CCNY: variants seen among roughly 807,000 people sequenced by gnomAD.
The protein encoded by CCNY is cyclin-Y.
In CCNY, 19 loss-of-function variants were observed where a neutral mutation model predicts 42.8. The observed-to-expected ratio is 0.44, with a 90% CI of 0.31 to 0.65. CCNY has a LOEUF of 0.65. CCNY is among the 30% of genes least tolerant of loss of function. The probability of loss-of-function intolerance (pLI) is 0.07; values close to 1 mark genes in which losing one functional copy is unlikely to be tolerated. For missense variants in CCNY, 370 were observed against 437.3 expected, an observed-to-expected ratio of 0.85 and a Z score of 1.37; for synonymous variants, 165 against 162.7, an observed-to-expected ratio of 1.01 and a Z score of -0.11.
chr10:35,458,774 G>A (rs919995644), intron 1 of CCNY, among the ~76,000 whole-genome samples: 4 of 152,222 alleles, frequency 2.6e-5, no homozygotes, highest in African/African-American at 9.6e-5. Flanking sequence ...CTGCTCCCAC[G>A]CCTGCCCATG....
intron 9 of CCNY, 80 bp downstream of exon 9, chr10:35,566,265 T>C (rs898213768): frequency 2.9e-6 from 4 of 1,376,382 alleles, no homozygotes; most frequent in Non-Finnish European, 4.0e-6. Context: ...TGTGGTCACA[T>C]TGATCATTTC....
chr10:35,322,663 C>T (rs946355331), intron 3 of CCNY, among the ~76,000 whole-genome samples: 2 of 152,124 alleles, frequency 1.3e-5, no homozygotes, highest in Non-Finnish European at 2.9e-5. Flanking sequence ...TTTAGCAACC[C>T]AACTAAATTG....
chr10:35,563,151 G>A (rs1035957399), intron 8 of CCNY, among the ~76,000 whole-genome samples: 1 of 152,020 alleles, frequency 6.6e-6, no homozygotes, highest in African/African-American at 2.4e-5. Context: ...ATGTGCTGCT[G>A]CAGTTTGGAA....
At chr10:35,248,189 G>T (rs981430980) in exon 2 of CCNY, 3 of 152,318 alleles carry the variant, frequency 2.0e-5, no homozygotes, top group Non-Finnish European at 4.4e-5. Flanking sequence ...AGAAGTCATC[G>T]CCCCAGAGCT....
chr10:35,270,190 C>G (rs1285760760), intron 3 of CCNY, among the ~76,000 whole-genome samples: 3 of 152,038 alleles, frequency 2.0e-5, no homozygotes, highest in South Asian at 2.1e-4. Context: ...ATGACTCATT[C>G]AGGGTGAAAA....
In CCNY at chr10:35,395,990, T is replaced by C. The variant is rs547608777; in HGVS notation, c.154+58783T>C. Among the ~76,000 whole-genome samples, 30 of 152,172 alleles carry C rather than the reference T, an allele frequency of 2.0e-4. No homozygotes were observed. The East Asian group carries it at 2.9e-3, about 15-fold the overall frequency. ...CCCCGAGAGAGGCTTTGGGTCTGTC[T>C]CAGTGTGCATGTTACTGTGTTATGC... On this transcript the variant is annotated intron_variant, in intron 1 of 9. Transcript: ENST00000374704.
intron 4 of CCNY, among the ~76,000 whole-genome samples, chr10:35,517,365 T>C (rs531377588): frequency 6.6e-6 from 1 of 152,346 alleles, no homozygotes; most frequent in South Asian, 2.1e-4. Flanking sequence ...CCTGATGTGC[T>C]TGGGCCTGTG....
chr10:35,478,770 A>G (rs1368976921), intron 1 of CCNY, among the ~76,000 whole-genome samples: 5 of 152,230 alleles, frequency 3.3e-5, no homozygotes, highest in Non-Finnish European at 7.3e-5. Flanking sequence ...AATGGCAACA[A>G]AAGCCAAAAT....
In CCNY at chr10:35,562,714, C is replaced by A. The variant is rs543594061; in HGVS notation, c.747-3309C>A. ...TGTCCCATTTTGTTTATCCACTCAT[C>A]CACCCATGGACACTTGGGTTACCTC... On this transcript the variant is annotated intron_variant, in intron 8 of 9. Coordinates refer to ENST00000374704, the MANE Select transcript of CCNY (RefSeq NM_145012.6). Among the ~76,000 whole-genome samples, 8 of 152,246 alleles carry A rather than the reference C, an allele frequency of 5.3e-5. No homozygotes were observed. The East Asian group carries it at 1.5e-3, about 29-fold the overall frequency.
At chr10:35,462,699 G>T (rs1176367586) in intron 1 of CCNY, among the ~76,000 whole-genome samples, 1 of 152,186 alleles carries the variant, frequency 6.6e-6, no homozygotes, top group Non-Finnish European at 1.5e-5. Flanking sequence ...GAGCAGAGGG[G>T]CTGGTGCTGG....
intron 3 of CCNY, among the ~76,000 whole-genome samples, chr10:35,504,171 T>C (rs1016260706): frequency 3.3e-5 from 5 of 152,200 alleles, no homozygotes; most frequent in African/African-American, 7.2e-5. Context: ...TTAAGAGAAA[T>C]GAATACAGTT....
At chr10:35,426,017 A>G (rs1838257317) in intron 1 of CCNY, among the ~76,000 whole-genome samples, 1 of 151,802 alleles carries the variant, frequency 6.6e-6, no homozygotes, top group Non-Finnish European at 1.5e-5. Context: ...GGCCATAGCC[A>G]GCAGCACCAA....
chr10:35,335,563 GA>G (rs200622881), upstream of CCNY, among the ~76,000 whole-genome samples: 16 of 149,294 alleles, frequency 1.1e-4, no homozygotes, highest in South Asian at 4.2e-4. Context: ...TAAATGCTTA[GA>G]AAAAAAAAAT....
At chr10:35,504,008 A>G (rs1326056783) in intron 3 of CCNY, among the ~76,000 whole-genome samples, 1 of 151,922 alleles carries the variant, frequency 6.6e-6, no homozygotes, top group East Asian at 1.9e-4. Flanking sequence ...TTGTTACTGA[A>G]CTCTGGAGTG....
At chr10:35,472,526 G>A (rs1024635532) in intron 1 of CCNY, among the ~76,000 whole-genome samples, 2 of 152,002 alleles carry the variant, frequency 1.3e-5, no homozygotes, top group African/African-American at 2.4e-5. Flanking sequence ...GATCTCTTTC[G>A]TTACTTCTGT....
At chr10:35,543,280 A>C (rs1362699918) in intron 7 of CCNY, among the ~76,000 whole-genome samples, 3 of 152,228 alleles carry the variant, frequency 2.0e-5, no homozygotes, top group African/African-American at 4.8e-5. Context: ...GTCAGGGTAC[A>C]ATGCAAAATC....
Position 35,252,294 on chromosome 10 carries a change from G to A in CCNY, c.-9+1668G>A, listed in dbSNP as rs140685728. ...ATATGAGAATATCCTGGCCGGGCGCGGTGGCTCAGGCCTGTAATCCCAGCA... is the reference window on the plus strand; with the variant it reads ...ATATGAGAATATCCTGGCCGGGCGCAGTGGCTCAGGCCTGTAATCCCAGCA... On this transcript the variant is annotated intron_variant, in intron 3 of 11. Coordinates refer to the CCNY transcript ENST00000374706. Among the ~76,000 whole-genome samples the A allele has an allele frequency of 5.3e-3, 803 of 152,186 alleles. 1 individual carries two copies. The highest frequency in any genetic ancestry group is 6.7e-3 in the Non-Finnish European group (453 of 67,994).
At chr10:35,471,587 C>T (rs549168400) in intron 1 of CCNY, among the ~76,000 whole-genome samples, 6 of 152,240 alleles carry the variant, frequency 3.9e-5, no homozygotes, top group East Asian at 1.9e-4. Flanking sequence ...TGCCACATGC[C>T]GTTTGATTTA....
chr10:35,389,120 C>A (rs570209097), intron 1 of CCNY, among the ~76,000 whole-genome samples: 4 of 152,308 alleles, frequency 2.6e-5, no homozygotes, highest in Non-Finnish European at 4.4e-5. Context: ...ACGAGGACAT[C>A]TTTGGGGACG....
Sources: gnomAD v4.1 joint callset for allele counts (sites outside exome capture counted in the v4.1 genomes callset) on GRCh38, gnomAD v4.1.1 for gene constraint, MANE v1.5 for transcripts, NCBI Gene and HGNC (gene_info 2026-07-23, HGNC 2026-07-21) for gene names.